The following C2orf72 variants were observed in gnomAD, a reference collection of about 807,000 sequenced individuals.
The protein encoded by C2orf72 is uncharacterized protein C2orf72.
Under a neutral mutation model 14.4 loss-of-function variants are expected in C2orf72, and 16 were observed. The observed-to-expected ratio is 1.11, with a 90% CI of 0.75 to 1.69. C2orf72 has a LOEUF of 1.69. Among genes scored for constraint, C2orf72 ranks in the 40% most tolerant of loss-of-function variants. C2orf72 has a pLI of 0.00. For synonymous variants in C2orf72, 168 were observed against 176.8 expected, an observed-to-expected ratio of 0.95 and a Z score of 0.40; for missense variants, 371 against 358.3, an observed-to-expected ratio of 1.04 and a Z score of -0.29.
chr2:231,039,333 A>G (rs1172549384), intron 1 of C2orf72, among the ~76,000 whole-genome samples: 2 of 151,478 alleles, frequency 1.3e-5, no homozygotes, highest in African/African-American at 2.4e-5. Flanking sequence ...AAAAAAAAAA[A>G]AAAAAAGAGT....
At chr2:231,045,765 G>A (rs185921908) in intron 2 of C2orf72, among the ~76,000 whole-genome samples, 10 of 152,024 alleles carry the variant, frequency 6.6e-5, no homozygotes. Context: ...TGATCTGTCC[G>A]CCTTGACCTC....
intron 1 of C2orf72, among the ~76,000 whole-genome samples, chr2:231,039,484 C>G (rs575406063): frequency 4.9e-4 from 74 of 152,104 alleles, no homozygotes; most frequent in Non-Finnish European, 7.2e-4. Context: ...TTGTGTGTCT[C>G]CTGGAGTATT....
At chr2:231,038,565 T>TTGGGA (rs1168458927) in intron 1 of C2orf72, among the ~76,000 whole-genome samples, 2 of 150,988 alleles carry the variant, frequency 1.3e-5, no homozygotes, top group Non-Finnish European at 3.0e-5. Context: ...TGGGAAAGCC[T>TTGGGA]TGGGATGGGA....
At position 231,048,946 on chromosome 2, in the gene C2orf72, CTTTG is replaced by C. The variant is rs1157181493; in HGVS notation, c.*1929_*1932del. ...TTTTCTTATTTAGTGGGAGAGGGAG[CTTTG>C]TTTAAGTTTGGAATTTGCCTAAGGC... On this transcript the variant is annotated 3_prime_UTR_variant, in exon 3 of 3. Coordinates refer to ENST00000373640, the MANE Select transcript of C2orf72 (RefSeq NM_001144994.2). 6.6e-5 allele frequency: 10 copies of C among 152,072 alleles called. No individual in the cohort carries two copies. The highest frequency in any genetic ancestry group is 2.1e-4 in the South Asian group (1 of 4,820). The allele number at this position is 152,072 out of a possible 1,614,324, so 9.4% of individuals were successfully genotyped here.
At position 231,047,669 on chromosome 2, in the gene C2orf72, A is replaced by G. The variant is rs1032893628; in HGVS notation, c.*648A>G. The G allele has an allele frequency of 6.0e-6, 1 of 167,848 alleles. No individual in the cohort carries two copies. The highest frequency in any genetic ancestry group is 1.6e-4 in the South Asian group (1 of 6,394). The allele number at this position is 167,848 out of a possible 1,614,324, so 10.4% of individuals were successfully genotyped here. On this transcript the variant is annotated 3_prime_UTR_variant, in exon 3 of 3. Coordinates refer to ENST00000373640, the MANE Select transcript of C2orf72 (RefSeq NM_001144994.2). ...CAAAGAATTGGTCCATTCAATGCCA[A>G]TTGTAGTACCTTTGAGACATTCTGG...
Position 231,039,410 on chromosome 2 carries a change from C to T in C2orf72, c.634+1211C>T, listed in dbSNP as rs909656638. Among the ~76,000 whole-genome samples, 17 of 151,690 alleles carry T rather than the reference C, an allele frequency of 1.1e-4. 1 individual carries two copies. The highest frequency in any genetic ancestry group is 9.8e-4 in the Admixed American group (15 of 15,250). ...CTCCCAGCTTTCTCTCCCTGCCCAGCTGGGCAGCCCTTCAAGCCCTCCAGC... is the reference window on the plus strand; with the variant it reads ...CTCCCAGCTTTCTCTCCCTGCCCAGTTGGGCAGCCCTTCAAGCCCTCCAGC... On this transcript the variant is annotated intron_variant, in intron 1 of 2. Coordinates refer to ENST00000373640, the MANE Select transcript of C2orf72 (RefSeq NM_001144994.2).
rs1693453192 is a variant in C2orf72 at position 231,048,786 on chromosome 2, T to G, written c.*1765T>G. ...GTGGATCTATCCAGCTGCTTCCTTG[T>G]AGCCAAGAATGAGTTCAATGAATTG... On this transcript the variant is annotated 3_prime_UTR_variant, in exon 3 of 3. Transcript: ENST00000373640. 6.6e-6 allele frequency: 1 copy of G among 152,254 alleles called. No individual in the cohort carries two copies. The highest frequency in any genetic ancestry group is 1.5e-5 in the Non-Finnish European group (1 of 68,040). The allele number at this position is 152,254 out of a possible 1,614,324, so 9.4% of individuals were successfully genotyped here.
intron 1 of C2orf72, among the ~76,000 whole-genome samples, chr2:231,039,122 A>G (rs1018692641): frequency 6.6e-6 from 1 of 152,060 alleles, no homozygotes; most frequent in East Asian, 1.9e-4. Context: ...GAATTGAATA[A>G]TGAGAACACA....
chr2:231,038,918 G>T (rs916923059), intron 1 of C2orf72, among the ~76,000 whole-genome samples: 1 of 152,152 alleles, frequency 6.6e-6, no homozygotes, highest in African/African-American at 2.4e-5. Flanking sequence ...AGGTGGAAGG[G>T]ATTTAAGGGT....
chr2:231,048,075 G>C lies in C2orf72; in HGVS notation c.*1054G>C, dbSNP rs886637018. ...CAAACACAGCCCCTCCGGGCTCTCT[G>C]TTTCTGTGAGGTTCTGGAATCCCTT... On this transcript the variant is annotated 3_prime_UTR_variant, in exon 3 of 3. Coordinates refer to ENST00000373640, the MANE Select transcript of C2orf72 (RefSeq NM_001144994.2). The C allele has an allele frequency of 1.3e-5, 2 of 152,270 alleles. No individual in the cohort carries two copies. Among genetic ancestry groups the C allele is most frequent in the African/African-American group, 4.8e-5 (2 of 41,456 alleles). 9.4% of individuals were successfully genotyped at this position (152,270 alleles called of 1,614,324 possible).
In C2orf72 at chr2:231,037,973, G is replaced by A; in HGVS notation, c.408G>A (p.Arg136=). ...TGCTGCGGGACGTGCGCGGCCGGCGGCGGGCCGGGGCGGCGCTGGTCGGGG... is the reference window on the plus strand; with the variant it reads ...TGCTGCGGGACGTGCGCGGCCGGCGACGGGCCGGGGCGGCGCTGGTCGGGG... The part of the protein sequence containing the change: ...REMLRDVRGR[R]RAGAALVGVL... The change falls in exon 1 of 3, where the codon CGG becomes CGA. Residue 136 remains arginine, a synonymous_variant. Transcript: ENST00000373640. 5.9e-6 allele frequency: 6 copies of A among 1,023,456 alleles called. No individual in the cohort carries two copies. The highest frequency in any genetic ancestry group is 7.0e-6 in the Non-Finnish European group (6 of 860,456). 63.4% of individuals were successfully genotyped at this position (1,023,456 alleles called of 1,614,324 possible).
In C2orf72 at chr2:231,041,422, C is replaced by G; in HGVS notation, c.748+13C>G. 6.5e-7 allele frequency: 1 copy of G among 1,534,534 alleles called. No individual in the cohort carries two copies. Among genetic ancestry groups the G allele is most frequent in the South Asian group, 1.2e-5 (1 of 83,598 alleles). On this transcript the variant is annotated intron_variant, in intron 2 of 2. Transcript: ENST00000373640. The stretch of plus-strand genomic sequence containing the variant: ...AGCTCAGCTCAGGGTGAGTGCTCCC[C>G]GACCTCCTGCATCCTGAGGGCCAGG...
In C2orf72 at chr2:231,047,063, T is replaced by G; in HGVS notation, c.*42T>G. ...CTGTCCCTGGCTCTAACCTACAGACTGGGGCCTGGCTCCGTCTTACTGGCC... is the reference window on the plus strand; with the variant it reads ...CTGTCCCTGGCTCTAACCTACAGACGGGGGCCTGGCTCCGTCTTACTGGCC... On this transcript the variant is annotated 3_prime_UTR_variant, in exon 3 of 3. Transcript: ENST00000373640. The G allele has an allele frequency of 6.4e-7, 1 of 1,550,942 alleles. No individual in the cohort carries two copies.
At chr2:231,038,648 C>G (rs1341115792) in intron 1 of C2orf72, among the ~76,000 whole-genome samples, 1 of 152,014 alleles carries the variant, frequency 6.6e-6, no homozygotes, top group Non-Finnish European at 1.5e-5. Flanking sequence ...CGCTGCGCAG[C>G]CAGAGATGCG....
intron 2 of C2orf72, among the ~76,000 whole-genome samples, chr2:231,043,005 AAAATAAAT>A (rs951739910): frequency 6.6e-6 from 1 of 152,228 alleles, no homozygotes; most frequent in Non-Finnish European, 1.5e-5. Flanking sequence ...ACTCCGTCTC[AAAATAAAT>A]AAATAAATAA....
In C2orf72 at chr2:231,037,529, G is replaced by C. The variant is rs965752798; in HGVS notation, c.-37G>C. The C allele has an allele frequency of 3.3e-5, 33 of 998,024 alleles. No individual in the cohort carries two copies. The highest frequency in any genetic ancestry group is 3.7e-5 in the Non-Finnish European group (31 of 840,144). The allele number at this position is 998,024 out of a possible 1,614,324, so 61.8% of individuals were successfully genotyped here. A position where few individuals can be genotyped will look rare whatever the true frequency, so the allele number is the denominator to read the frequency against. On this transcript the variant is annotated 5_prime_UTR_variant, in exon 1 of 3. Transcript: ENST00000373640. ...CGAGAGGCGGGCAGCGGGTGCGCCC[G>C]GGCCGCGGCGGCCGCAGAGGGCGGG...
At chr2:231,039,082 C>G (rs897101845) in intron 1 of C2orf72, among the ~76,000 whole-genome samples, 12 of 151,784 alleles carry the variant, frequency 7.9e-5, no homozygotes, top group Admixed American at 7.2e-4. Flanking sequence ...GACAAAAAAC[C>G]AAACACAGCA....
intron 1 of C2orf72, among the ~76,000 whole-genome samples, chr2:231,040,533 T>C (rs536262421): frequency 2.0e-3 from 310 of 152,380 alleles, no homozygotes; most frequent in African/African-American, 6.8e-3. Context: ...GCCCACTGAT[T>C]TCTTTGCAGC....
intron 2 of C2orf72, among the ~76,000 whole-genome samples, chr2:231,041,780 T>C (rs1396050867): frequency 6.6e-6 from 1 of 151,484 alleles, no homozygotes; most frequent in African/African-American, 2.4e-5. Flanking sequence ...GATGGAGGGA[T>C]TTTCGTAGGC....
Sources: gnomAD v4.1 joint callset for allele counts (sites outside exome capture counted in the v4.1 genomes callset) on GRCh38, gnomAD v4.1.1 for gene constraint, MANE v1.5 for transcripts, NCBI Gene and HGNC (gene_info 2026-07-23, HGNC 2026-07-21) for gene names.